The following ACCSL variants were observed in gnomAD, a reference collection of about 807,000 sequenced individuals.
ACCSL encodes 1-aminocyclopropane-1-carboxylate synthase homolog (inactive) like, also known as probable inactive 1-aminocyclopropane-1-carboxylate synthase-like protein 2.
Under a neutral mutation model 61.7 loss-of-function variants are expected in ACCSL, and 55 were observed. The ratio of observed to expected loss-of-function variants is 0.89; its 90% CI spans 0.72 to 1.12. The LOEUF (loss-of-function observed/expected upper bound fraction) is 1.12, where lower values mean the gene tolerates loss of function less well. Among genes scored for constraint, ACCSL ranks in the 50% most tolerant of loss-of-function variants. The pLI, the probability that ACCSL is intolerant of heterozygous loss-of-function variation, is 0.00. For synonymous variants in ACCSL, 258 were observed against 264.3 expected, an observed-to-expected ratio of 0.98 and a Z score of 0.23; for missense variants, 632 against 698.0, an observed-to-expected ratio of 0.91 and a Z score of 1.07.
the ACCSL span, among the ~76,000 whole-genome samples, chr11:44,019,802 C>G: frequency 6.6e-6 from 1 of 152,126 alleles, no homozygotes; most frequent in Non-Finnish European, 1.5e-5. Flanking sequence ...ACTTTCAGTG[C>G]CATATCTAAG....
At chr11:44,031,621 A>G in the ACCSL span, among the ~76,000 whole-genome samples, 3 of 152,260 alleles carry the variant, frequency 2.0e-5, no homozygotes, top group African/African-American at 7.2e-5. Flanking sequence ...TGACCCAGGG[A>G]GAGAAGACAG....
the ACCSL span, among the ~76,000 whole-genome samples, chr11:43,989,404 A>G: frequency 6.6e-6 from 1 of 152,168 alleles, no homozygotes; most frequent in East Asian, 1.9e-4. Flanking sequence ...GCTTGGCCAG[A>G]TGGTGGGAGC....
chr11:43,960,443 C>T, the ACCSL span, among the ~76,000 whole-genome samples: 9 of 152,108 alleles, frequency 5.9e-5, no homozygotes, highest in Non-Finnish European at 1.2e-4. Flanking sequence ...GGCTGGAGTG[C>T]GGTGGCATTA....
the ACCSL span, among the ~76,000 whole-genome samples, chr11:44,002,638 G>A: frequency 6.6e-6 from 1 of 152,252 alleles, no homozygotes; most frequent in South Asian, 2.1e-4. Flanking sequence ...GGTGGGAGGG[G>A]CACTTTGAGG....
chr11:43,948,363 A>T, the ACCSL span, among the ~76,000 whole-genome samples: 1 of 152,214 alleles, frequency 6.6e-6, no homozygotes, highest in African/African-American at 2.4e-5. Flanking sequence ...TTTCATCCTG[A>T]TAAAGTTTCT....
intron 11 of ACCSL, among the ~76,000 whole-genome samples, chr11:44,056,754 C>T (rs1009059720): frequency 1.3e-5 from 2 of 152,144 alleles, no homozygotes; most frequent in African/African-American, 4.8e-5. Context: ...ATCTCCTGAA[C>T]CCAGGAGGCA....
the ACCSL span, among the ~76,000 whole-genome samples, chr11:43,931,614 C>G: frequency 6.6e-6 from 1 of 152,166 alleles, no homozygotes; most frequent in Non-Finnish European, 1.5e-5. Context: ...GAGCCTCTTT[C>G]CTTGAACAAA....
chr11:43,924,592 G>T, the ACCSL span, among the ~76,000 whole-genome samples: 1 of 152,264 alleles, frequency 6.6e-6, no homozygotes, highest in South Asian at 2.1e-4. Context: ...TCCAGGCTAT[G>T]TGTGGCCAAA....
the ACCSL span, among the ~76,000 whole-genome samples, chr11:44,035,528 T>A: frequency 2.6e-5 from 4 of 152,154 alleles, no homozygotes; most frequent in Admixed American, 1.3e-4. Context: ...TCAGCCACCA[T>A]GGGCTTAAGG....
At chr11:43,971,824 C>A in the ACCSL span, among the ~76,000 whole-genome samples, 8 of 152,294 alleles carry the variant, frequency 5.3e-5, no homozygotes, top group East Asian at 3.9e-4. Flanking sequence ...TTCCACCAAT[C>A]GTGCTGCCTC....
At chr11:43,946,825 G>A in the ACCSL span, among the ~76,000 whole-genome samples, 1 of 152,136 alleles carries the variant, frequency 6.6e-6, no homozygotes, top group Non-Finnish European at 1.5e-5. Flanking sequence ...GAGAGGCAGA[G>A]GGAGGGAGTT....
Position 44,048,193 on chromosome 11 carries a change from C to T in ACCSL, c.157C>T (p.Leu53=), listed in dbSNP as rs772730631. The T allele has an allele frequency of 6.2e-7, 1 of 1,614,204 alleles. No homozygotes were observed. Residue 53 remains leucine, a synonymous_variant, in exon 1 of 14, where the codon CTG becomes TTG. Transcript: ENST00000378832. ...HFVQLTSRQG[L]SLEERRHTEA... is the part of the protein sequence containing the mutation. The stretch of plus-strand genomic sequence containing the variant: ...CGTGCAGCTGACGAGCAGACAGGGC[C>T]TGTCGCTGGAGGAAAGGAGGCACAC...
chr11:43,963,367 A>T, the ACCSL span, among the ~76,000 whole-genome samples: 4 of 152,270 alleles, frequency 2.6e-5, no homozygotes, highest in South Asian at 8.3e-4. Context: ...AGCTTTCTCC[A>T]GTTATATGTG....
At chr11:43,936,873 T>C in the ACCSL span, among the ~76,000 whole-genome samples, 1 of 151,800 alleles carries the variant, frequency 6.6e-6, no homozygotes, top group African/African-American at 2.4e-5. Context: ...GGAGGTTCAA[T>C]TTCCCCACCC....
chr11:43,963,105 G>A, the ACCSL span, among the ~76,000 whole-genome samples: 1 of 152,186 alleles, frequency 6.6e-6, no homozygotes, highest in Non-Finnish European at 1.5e-5. Context: ...ATCTGAGCCT[G>A]TGGAGAGGTC....
chr11:44,046,702 A>G (rs1195979041), upstream of ACCSL, among the ~76,000 whole-genome samples: 1 of 151,794 alleles, frequency 6.6e-6, no homozygotes. Context: ...ACTTAGGGGG[A>G]AAAACTTGGA....
chr11:43,959,919 A>C, the ACCSL span, among the ~76,000 whole-genome samples: 2 of 152,128 alleles, frequency 1.3e-5, no homozygotes, highest in Non-Finnish European at 2.9e-5. Context: ...CGCCAGACTC[A>C]AAATAACAGC....
chr11:43,932,546 A>G, the ACCSL span, among the ~76,000 whole-genome samples: 16 of 152,200 alleles, frequency 1.1e-4, no homozygotes, highest in African/African-American at 3.9e-4. Flanking sequence ...TGGGGATTAC[A>G]GGTGTGAGTC....
At chr11:43,936,442 G>C in the ACCSL span, among the ~76,000 whole-genome samples, 4 of 152,138 alleles carry the variant, frequency 2.6e-5, no homozygotes, top group African/African-American at 7.2e-5. Flanking sequence ...TACTGTGCTA[G>C]GCGCTTTCCT....
Sources: allele counts gnomAD v4.1 joint callset (sites outside exome capture counted in the v4.1 genomes callset), GRCh38; gene constraint gnomAD v4.1.1; transcripts MANE v1.5; gene names NCBI Gene and HGNC (gene_info 2026-07-23, HGNC 2026-07-21).